GTPBP10: variants seen among roughly 807,000 people sequenced by gnomAD.
GTPBP10 encodes GTP binding protein 10, also known as GTP-binding protein 10.
In GTPBP10, 38 loss-of-function variants were observed where a neutral mutation model predicts 44.8. The observed-to-expected ratio is 0.85, with a 90% confidence interval of 0.65 to 1.11. GTPBP10 has a LOEUF of 1.11. GTPBP10 is among the 50% of genes most tolerant of loss of function. The probability of loss-of-function intolerance (pLI) is 0.00; values close to 1 mark genes in which losing one functional copy is unlikely to be tolerated. For missense variants in GTPBP10, 462 were observed against 453.7 expected (o/e 1.02, Z -0.17); for synonymous variants, 152 against 150.6 (o/e 1.01, Z -0.07).
rs955718777 is a variant in GTPBP10, at chr7:90,372,516, C to A, written c.538+288C>A. Among the ~76,000 whole-genome samples, 6 of 109,796 alleles carry A rather than the reference C, an allele frequency of 5.5e-5. No homozygotes were observed. In the Admixed American group the frequency reaches 5.9e-4, roughly 11 times the overall value. 72.0% of individuals were successfully genotyped at this position (109,796 alleles called of 152,430 possible). A position where few individuals can be genotyped will look rare whatever the true frequency, so the allele number is the denominator to read the frequency against. ...TTTTTTTGTGGGGACAGGGGTTTCGCCATGTTGCCCAGGCTGGTCTTGAAC... is the reference window on the plus strand; with the variant it reads ...TTTTTTTGTGGGGACAGGGGTTTCGACATGTTGCCCAGGCTGGTCTTGAAC... On this transcript the variant is annotated intron_variant, in intron 5 of 9. Coordinates refer to ENST00000222511, the MANE Select transcript of GTPBP10 (RefSeq NM_033107.4).
At chr7:90,374,405 T>A in intron 6 of GTPBP10, 51 bp downstream of exon 6, 1 of 1,167,938 alleles carries the variant, frequency 8.6e-7, no homozygotes, top group Non-Finnish European at 1.3e-6. Context: ...AGTACTTGGT[T>A]TTGGTACGTA....
chr7:90,365,246 C>T (rs112059671), intron 4 of GTPBP10, among the ~76,000 whole-genome samples: 2,354 of 151,936 alleles, frequency 0.015, 59 homozygotes, highest in African/African-American at 0.052. Flanking sequence ...AGACTGGAGC[C>T]ATTTCTATTT....
chr7:90,352,905 A>G lies in GTPBP10; in HGVS notation c.123A>G (p.Lys41=). The change falls in exon 2 of 10, where the codon AAA becomes AAG. Residue 41 remains lysine (K), a synonymous_variant. Transcript: ENST00000222511. ...CTCGTTTAGGTGGAGAAGGTGGAAAAGGTGGTGATGTCTGGGTTGTAGCCC... is the reference window on the plus strand; with the variant it reads ...CTCGTTTAGGTGGAGAAGGTGGAAAGGGTGGTGATGTCTGGGTTGTAGCCC... ...GYPRLGGEGG[K]GGDVWVVAQN... is the part of the protein sequence containing the mutation. The G allele has an allele frequency of 6.2e-7, 1 of 1,613,780 alleles. No individual in the cohort carries two copies. Among genetic ancestry groups the G allele is most frequent in the Non-Finnish European group, 8.5e-7 (1 of 1,179,872 alleles).
intron 6 of GTPBP10, 30 bp from the exon 7 acceptor site, chr7:90,377,476 CT>C: frequency 2.1e-6 from 3 of 1,457,818 alleles, no homozygotes; most frequent in Admixed American, 4.1e-5. Flanking sequence ...ATACATTTTC[CT>C]TTTTCATTAA....
intron 4 of GTPBP10, among the ~76,000 whole-genome samples, chr7:90,361,510 T>C (rs1183295321): frequency 1.3e-5 from 2 of 152,234 alleles, no homozygotes; most frequent in Non-Finnish European, 2.9e-5. Flanking sequence ...ATAAGCTTTT[T>C]GATGTGCTGC....
Position 90,368,046 on chromosome 7 carries a change from A to G in GTPBP10, c.465-4109A>G, listed in dbSNP as rs147312146. On this transcript the variant is annotated intron_variant, in intron 4 of 9. Transcript: ENST00000222511. Reference sequence around the variant, plus strand: ...ATTTCTCCTTCACTTACGAATCTTAATTTGGCTGGATATGAAATTCTGGAT... The same window carrying G: ...ATTTCTCCTTCACTTACGAATCTTAGTTTGGCTGGATATGAAATTCTGGAT... 6.0e-3 allele frequency among the ~76,000 whole-genome samples: 913 copies of G among 152,222 alleles called. 7 individuals carry two copies. Among genetic ancestry groups the G allele is most frequent in the African/African-American group, 0.02 (820 of 41,532 alleles).
At chr7:90,364,151 T>C (rs566740814) in intron 4 of GTPBP10, among the ~76,000 whole-genome samples, 1 of 152,370 alleles carries the variant, frequency 6.6e-6, no homozygotes, top group South Asian at 2.1e-4. Flanking sequence ...AGTCATTCTC[T>C]GTCCAGCTTT....
chr7:90,357,975 T>G (rs954181422), intron 4 of GTPBP10, among the ~76,000 whole-genome samples: 3 of 152,052 alleles, frequency 2.0e-5, no homozygotes, highest in Admixed American at 2.0e-4. Flanking sequence ...GCATTCAAAT[T>G]GGAAAGAAGG....
intron 4 of GTPBP10, among the ~76,000 whole-genome samples, chr7:90,370,993 G>A (rs565932846): frequency 2.3e-4 from 34 of 145,366 alleles, no homozygotes; most frequent in South Asian, 2.0e-3. Flanking sequence ...GCAACAGAGC[G>A]AGACTCCATC....
In GTPBP10 at chr7:90,354,084, T is replaced by G. The variant is rs569397401; in HGVS notation, c.228-374T>G. ...CCTGGACTCAAGAGATCCTCCTGCC[T>G]CCGCCTCCCAAAGTGCTGAGATTAC... is the stretch of plus-strand genomic sequence containing the variant. On this transcript the variant is annotated intron_variant, in intron 2 of 9. Transcript: ENST00000222511. 1.2e-4 allele frequency among the ~76,000 whole-genome samples: 19 copies of G among 152,244 alleles called. No homozygotes were observed. The South Asian group carries it at 3.7e-3, about 30-fold the overall frequency.
chr7:90,385,113 T>C lies in GTPBP10; in HGVS notation c.1123T>C (p.Ser375Pro), dbSNP rs1215003731. The change falls in exon 10 of 10, where the codon TCA becomes CCA. Residue 375 changes from serine (S) to proline (P), a missense_variant. Coordinates refer to ENST00000222511, the MANE Select transcript of GTPBP10 (RefSeq NM_033107.4). Reference protein sequence around the residue: ...SDTMSSTEPPSKHAVTTSKMD... With the variant: ...SDTMSSTEPPPKHAVTTSKMD... ...TACAATGTCTTCTACTGAGCCACCATCAAAGCATGCTGTTACTACTTCCAA... is the reference window on the plus strand; with the variant it reads ...TACAATGTCTTCTACTGAGCCACCACCAAAGCATGCTGTTACTACTTCCAA... The C allele has an allele frequency of 1.2e-6, 2 of 1,611,362 alleles. No individual in the cohort carries two copies. Among genetic ancestry groups the C allele is most frequent in the Non-Finnish European group, 1.7e-6 (2 of 1,178,176 alleles).
At chr7:90,376,674 G>A (rs535510510) in intron 6 of GTPBP10, among the ~76,000 whole-genome samples, 1 of 152,284 alleles carries the variant, frequency 6.6e-6, no homozygotes, top group South Asian at 2.1e-4. Flanking sequence ...TAAAAGTAAT[G>A]CCAAAACCAC....
At chr7:90,356,297 A>G (rs1178442581) in intron 4 of GTPBP10, among the ~76,000 whole-genome samples, 1 of 152,164 alleles carries the variant, frequency 6.6e-6, no homozygotes, top group Non-Finnish European at 1.5e-5. Context: ...CTTGCCATTT[A>G]CATTTATTTT....
rs1339476317 is a variant in GTPBP10 at position 90,387,296 on chromosome 7, A to G, written c.*2142A>G. ...GGTTGCAGTGAGCTGAGATTGCGCC[A>G]TTGCACTCCAGCCTGGAGGACAAGA... On this transcript the variant is annotated 3_prime_UTR_variant, in exon 10 of 10. Transcript: ENST00000222511. 1 of 151,930 alleles carries G rather than the reference A, an allele frequency of 6.6e-6. No homozygotes were observed. The highest frequency in any genetic ancestry group is 2.4e-5 in the African/African-American group (1 of 41,310). The allele number at this position is 151,930 out of a possible 1,614,324, so 9.4% of individuals were successfully genotyped here.
Position 90,355,073 on chromosome 7 carries a change from C to T in GTPBP10, c.320-13C>T. On this transcript the variant is annotated splice_polypyrimidine_tract_variant and intron_variant, in intron 3 of 9. Transcript: ENST00000222511. ...TAATCTTTGCTGTAAGTATTTCTCT[C>T]CCTCTTTTTAAGGAGAACTCAATAA... 1 of 1,508,294 alleles carries T rather than the reference C, an allele frequency of 6.6e-7. No homozygotes were observed. The highest frequency in any genetic ancestry group is 9.1e-7 in the Non-Finnish European group (1 of 1,104,424). The allele number at this position is 1,508,294 out of a possible 1,614,324, so 93.4% of individuals were successfully genotyped here. A position where few individuals can be genotyped will look rare whatever the true frequency, so the allele number is the denominator to read the frequency against.
intron 1 of GTPBP10, among the ~76,000 whole-genome samples, chr7:90,348,059 T>C (rs1323251863): frequency 6.6e-6 from 1 of 152,086 alleles, no homozygotes; most frequent in Non-Finnish European, 1.5e-5. Flanking sequence ...AGACCCCATC[T>C]TTAAAACAGT....
chr7:90,372,314 C>T lies in GTPBP10; in HGVS notation c.538+86C>T, dbSNP rs567665357. 4.4e-5 allele frequency: 42 copies of T among 965,138 alleles called. No homozygotes were observed. The East Asian group carries it at 6.3e-4, about 14-fold the overall frequency. 59.8% of individuals were successfully genotyped at this position (965,138 alleles called of 1,614,324 possible). On this transcript the variant is annotated intron_variant, in intron 5 of 9. Coordinates refer to ENST00000222511, the MANE Select transcript of GTPBP10 (RefSeq NM_033107.4). ...TCTCTGAGAATGAATAAAATGATAA[C>T]TCGGAGGGTATCCTTAACTGAAAAA...
chr7:90,352,887 A>T lies in GTPBP10; in HGVS notation c.105A>T (p.Leu35Phe). ...CCGGTGGAATGGGTTATCCTCGTTT[A>T]GGTGGAGAAGGTGGAAAAGGTGGTG... ...GGSGGMGYPR[L>F]GGEGGKGGDV... Residue 35 changes from leucine to phenylalanine, a missense_variant, in exon 2 of 10, where the codon TTA becomes TTT. By Grantham distance (22) the Leu-to-Phe change is conservative. Coordinates refer to ENST00000222511, the MANE Select transcript of GTPBP10 (RefSeq NM_033107.4). 6.2e-7 allele frequency: 1 copy of T among 1,613,904 alleles called. No homozygotes were observed. Among genetic ancestry groups the T allele is most frequent in the Non-Finnish European group, 8.5e-7 (1 of 1,179,902 alleles).
intron 4 of GTPBP10, among the ~76,000 whole-genome samples, chr7:90,365,587 G>C (rs561617508): frequency 1.3e-5 from 2 of 151,322 alleles, no homozygotes; most frequent in African/African-American, 4.9e-5. Flanking sequence ...CGTTTTAGCC[G>C]GGATGGTCTC....
Sources: gnomAD v4.1 joint callset for allele counts (sites outside exome capture counted in the v4.1 genomes callset) on GRCh38, gnomAD v4.1.1 for gene constraint, MANE v1.5 for transcripts, NCBI Gene and HGNC (gene_info 2026-07-23, HGNC 2026-07-21) for gene names.